LVRN: variants seen among roughly 807,000 people sequenced by gnomAD.
LVRN encodes laeverin.
Under a neutral mutation model 111.4 loss-of-function variants are expected in LVRN, and 99 were observed. The observed-to-expected ratio is 0.89, with a 90% confidence interval of 0.76 to 1.05. LVRN has a LOEUF of 1.05. Among genes scored for constraint, LVRN ranks in the 50% least tolerant of loss-of-function variants. The pLI is 0.00. For missense variants in LVRN, 1,414 were observed against 1,206.8 expected (o/e 1.17, Z -2.54); for synonymous variants, 488 against 449.5 (o/e 1.09, Z -1.08).
At chr5:115,996,200 A>G (rs559546587) in intron 6 of LVRN, among the ~76,000 whole-genome samples, 1 of 152,224 alleles carries the variant, frequency 6.6e-6, no homozygotes, top group African/African-American at 2.4e-5. Context: ...AATGAAATTT[A>G]CTCTATTTTC....
At chr5:115,985,401 G>T (rs1363063711) in intron 3 of LVRN, among the ~76,000 whole-genome samples, 1 of 152,072 alleles carries the variant, frequency 6.6e-6, no homozygotes, top group African/African-American at 2.4e-5. Flanking sequence ...CAGACCCAGG[G>T]CTTATATCTT....
At position 115,963,108 on chromosome 5, in the gene LVRN, C is replaced by T. The variant is rs1753124859; in HGVS notation, c.491C>T (p.Pro164Leu). 6.2e-7 allele frequency: 1 copy of T among 1,613,598 alleles called. No individual in the cohort carries two copies. The highest frequency in any genetic ancestry group is 8.5e-7 in the Non-Finnish European group (1 of 1,179,946). The part of the protein sequence containing the change: ...ERAEVRGPLS[P>L]GTGNATVGRV... ...GCCGAGGTGCGGGGACCCCTTTCCC[C>T]GGGCACTGGGAACGCCACAGTGGGC... The change falls in exon 1 of 20, where the codon CCG (proline) becomes CTG (leucine). Residue 164 changes from proline (P) to leucine (L), a missense_variant. By Grantham distance (98) the Pro-to-Leu change is moderately conservative. Transcript: ENST00000357872.
chr5:115,992,610 C>T lies in LVRN; in HGVS notation c.1260+333C>T, dbSNP rs1748021225. Among the ~76,000 whole-genome samples, 3 of 152,240 alleles carry T rather than the reference C, an allele frequency of 2.0e-5. No individual in the cohort carries two copies. The South Asian group carries it at 6.2e-4, about 32-fold the overall frequency. On this transcript the variant is annotated intron_variant, in intron 5 of 19. Coordinates refer to ENST00000357872, the MANE Select transcript of LVRN (RefSeq NM_173800.5). The stretch of plus-strand genomic sequence containing the variant: ...ATTTTCATTTCACCTAAAATAAGGG[C>T]TATTCAAAAGGATCACTGAAAGATA...
At position 116,014,493 on chromosome 5, in the gene LVRN, C is replaced by A. The variant is rs144970249; in HGVS notation, c.2416C>A (p.Leu806Ile). The part of the protein sequence containing the change: ...LEDCLQLSKE[L>I]FAKWVDHPEN... ...AGACTGCCTTCAGCTGTCAAAAGAA[C>A]TTTTCGCAAAATGGGTGGATCATCC... is the stretch of plus-strand genomic sequence containing the variant. The change falls in exon 16 of 20, where the codon CTT becomes ATT. Residue 806 changes from leucine (L) to isoleucine (I), a missense_variant. Transcript: ENST00000357872. 134 of 1,613,488 alleles carry A rather than the reference C, an allele frequency of 8.3e-5. No homozygotes were observed. The African/African-American group carries it at 1.6e-3, about 19-fold the overall frequency.
At chr5:115,974,718 C>T (rs1753402251) in intron 1 of LVRN, 2 of 181,538 alleles carry the variant, frequency 1.1e-5, no homozygotes, top group Non-Finnish European at 2.3e-5. Flanking sequence ...TCTTCCTGTG[C>T]ACCCTATTCA....
intron 2 of LVRN, among the ~76,000 whole-genome samples, chr5:115,983,988 G>A (rs1176509433): frequency 6.6e-6 from 1 of 152,150 alleles, no homozygotes; most frequent in Non-Finnish European, 1.5e-5. Flanking sequence ...CAGGTTCCCA[G>A]GTCAACAAGT....
rs750520341 is a variant in LVRN, at chr5:116,010,862, G to A, written c.2215G>A (p.Val739Met). 4 of 1,609,276 alleles carry A rather than the reference G, an allele frequency of 2.5e-6. No homozygotes were observed. The African/African-American group carries it at 4.0e-5, about 16-fold the overall frequency. The change falls in exon 14 of 20, where the codon GTG (valine) becomes ATG (methionine). Residue 739 changes from valine to methionine, a missense_variant. By Grantham distance (21) the Val-to-Met change is conservative. Transcript: ENST00000357872. ...GGTAACCAGGGATCTTGTTTCTGAG[G>A]TGAACATCTATGATATATACTCATT... ...NLVTRDLVSE[V>M]NIYDIYSLLK... is the part of the protein sequence containing the mutation.
At chr5:115,978,002 TG>T (rs1024470956) in intron 1 of LVRN, among the ~76,000 whole-genome samples, 1 of 152,192 alleles carries the variant, frequency 6.6e-6, no homozygotes, top group Non-Finnish European at 1.5e-5. Context: ...TAGGATATTT[TG>T]GGGGGCCAAA....
At chr5:116,001,742 G>T (rs1341770810) in intron 10 of LVRN, among the ~76,000 whole-genome samples, 1 of 152,156 alleles carries the variant, frequency 6.6e-6, no homozygotes, top group Non-Finnish European at 1.5e-5. Flanking sequence ...CACAACATTA[G>T]AATTAAGGCC....
intron 1 of LVRN, among the ~76,000 whole-genome samples, chr5:115,981,850 C>T (rs956235069): frequency 2.6e-5 from 4 of 151,938 alleles, no homozygotes; most frequent in African/African-American, 7.3e-5. Flanking sequence ...TTTGTGAGAT[C>T]GGAAGGGATA....
intron 1 of LVRN, among the ~76,000 whole-genome samples, chr5:115,980,795 A>C (rs1054855002): frequency 6.6e-6 from 1 of 152,152 alleles, no homozygotes; most frequent in African/African-American, 2.4e-5. Flanking sequence ...ATATGCCACC[A>C]GTTGTACAAA....
chr5:116,022,209 C>T, intron 18 of LVRN, 182 bp from the exon 19 acceptor site: 1 of 505,590 alleles, frequency 2.0e-6, no homozygotes, highest in Non-Finnish European at 3.5e-6. Context: ...ATTTAACTTC[C>T]TTAGTGTTAA....
At chr5:115,995,811 G>C (rs546009063) in intron 6 of LVRN, among the ~76,000 whole-genome samples, 1 of 152,304 alleles carries the variant, frequency 6.6e-6, no homozygotes, top group East Asian at 1.9e-4. Flanking sequence ...TAAGTAAGTT[G>C]CTCAAGCTCT....
At chr5:115,999,734 T>C in intron 6 of LVRN, 28 bp from the exon 7 acceptor site, 2 of 1,610,900 alleles carry the variant, frequency 1.2e-6, no homozygotes, top group Non-Finnish European at 1.7e-6. Flanking sequence ...CCTCAGGAGT[T>C]AATGTGCCTC....
intron 4 of LVRN, 26 bp from the exon 5 acceptor site, chr5:115,992,097 T>A (rs764007108): frequency 4.5e-6 from 7 of 1,559,960 alleles, no homozygotes; most frequent in Non-Finnish European, 6.0e-6. Context: ...ATTATTTTAT[T>A]TTCTCCTCCA....
chr5:116,006,702 A>C (rs1748382736), intron 13 of LVRN, among the ~76,000 whole-genome samples: 1 of 151,834 alleles, frequency 6.6e-6, no homozygotes, highest in Non-Finnish European at 1.5e-5. Context: ...TAACTCATTC[A>C]CTCTAGGGTT....
intron 14 of LVRN, 73 bp from the exon 15 acceptor site, chr5:116,012,301 A>T: frequency 1.2e-6 from 1 of 809,724 alleles, no homozygotes; most frequent in Non-Finnish European, 2.0e-6. Flanking sequence ...TTTCAGATAA[A>T]TAAATAGAAA....
intron 2 of LVRN, among the ~76,000 whole-genome samples, chr5:115,983,970 T>A (rs1172714687): frequency 6.6e-6 from 1 of 152,170 alleles, no homozygotes; most frequent in Non-Finnish European, 1.5e-5. Context: ...ACAATTGTCA[T>A]CTAAAGGCAG....
intron 12 of LVRN, among the ~76,000 whole-genome samples, chr5:116,005,548 C>T (rs1417884222): frequency 1.3e-5 from 2 of 152,222 alleles, no homozygotes; most frequent in Admixed American, 6.5e-5. Context: ...ATGCCAAAAA[C>T]ATCCCTGAAA....
Sources: allele counts gnomAD v4.1 joint callset (sites outside exome capture counted in the v4.1 genomes callset), GRCh38; gene constraint gnomAD v4.1.1; transcripts MANE v1.5; gene names NCBI Gene and HGNC (gene_info 2026-07-23, HGNC 2026-07-21).